The following PALD1 variants were observed in gnomAD, a reference collection of about 807,000 sequenced individuals.
The protein encoded by PALD1 is phosphatase domain containing paladin 1, also known as paladin.
Under a neutral mutation model 96.0 loss-of-function variants are expected in PALD1, and 57 were observed. That is an observed-to-expected ratio of 0.59 (90% CI 0.48 to 0.74). The LOEUF is 0.74. PALD1 is among the 30% of genes least tolerant of loss of function. The pLI is 0.00. For synonymous variants in PALD1, 464 were observed against 473.6 expected (o/e 0.98, Z 0.26); for missense variants, 1,063 against 1,143.7 (o/e 0.93, Z 1.02).
chr10:70,545,980 T>C (rs2132410474), intron 17 of PALD1, among the ~76,000 whole-genome samples: 1 of 152,030 alleles, frequency 6.6e-6, no homozygotes, highest in South Asian at 2.1e-4. Flanking sequence ...CTCATGCCTG[T>C]AATCCCAGCA....
intron 18 of PALD1, among the ~76,000 whole-genome samples, chr10:70,552,216 G>T (rs1417008499): frequency 1.3e-5 from 2 of 152,224 alleles, no homozygotes; most frequent in Non-Finnish European, 2.9e-5. Context: ...ATTTTGTCGT[G>T]TTTGCTGAGG....
intron 2 of PALD1, among the ~76,000 whole-genome samples, chr10:70,527,426 A>G (rs1223666514): frequency 6.6e-6 from 1 of 152,168 alleles, no homozygotes; most frequent in Non-Finnish European, 1.5e-5. Flanking sequence ...AGCAAACTAC[A>G]TCCTGCAGGC....
intron 1 of PALD1, among the ~76,000 whole-genome samples, chr10:70,510,905 A>G (rs2132317274): frequency 6.6e-6 from 1 of 152,132 alleles, no homozygotes; most frequent in African/African-American, 2.4e-5. Context: ...TGGTGCTCTA[A>G]CGGTGTGCAT....
At chr10:70,476,829 G>A (rs1021269189), upstream of PALD1, among the ~76,000 whole-genome samples, 1 of 152,140 alleles carries the variant, frequency 6.6e-6, no homozygotes, top group African/African-American at 2.4e-5. Flanking sequence ...GAGCTAGAGA[G>A]GCACACCGCC....
At chr10:70,472,476 G>A in the PALD1 span, among the ~76,000 whole-genome samples, 6 of 152,156 alleles carry the variant, frequency 3.9e-5, no homozygotes, top group East Asian at 9.6e-4. Context: ...GGCCGGGTTG[G>A]TCTCAAACTC....
upstream of PALD1, among the ~76,000 whole-genome samples, chr10:70,474,664 T>C (rs1482697901): frequency 6.6e-6 from 1 of 152,202 alleles, no homozygotes; most frequent in African/African-American, 2.4e-5. Flanking sequence ...TAAAATGTAT[T>C]TCTTACTTTG....
At chr10:70,474,518 G>A (rs7084263), upstream of PALD1, among the ~76,000 whole-genome samples, 10,221 of 152,256 alleles carry the variant, frequency 0.067, 388 homozygotes, top group South Asian at 0.18. Flanking sequence ...CCGAGATTGT[G>A]CCACCACCAC....
intron 1 of PALD1, among the ~76,000 whole-genome samples, chr10:70,482,912 C>G (rs1845958172): frequency 6.6e-6 from 1 of 152,178 alleles, no homozygotes; most frequent in African/African-American, 2.4e-5. Flanking sequence ...CGATGTTATT[C>G]TCTCAGCAGA....
At chr10:70,545,047 GCAGGTGCCAGGCACCACTC>G (rs368895555) in intron 17 of PALD1, among the ~76,000 whole-genome samples, 2,360 of 149,672 alleles carry the variant, frequency 0.016, 59 homozygotes, top group African/African-American at 0.056. Flanking sequence ...GGGGCACCGG[GCAGGTGCCAGGCACCACTC>G]CAGGTGCCGG....
At chr10:70,467,717 C>G in the PALD1 span, among the ~76,000 whole-genome samples, 8 of 152,212 alleles carry the variant, frequency 5.3e-5, no homozygotes, top group Non-Finnish European at 1.2e-4. Context: ...AGCAATGGAA[C>G]CTGCTCTAAG....
intron 17 of PALD1, among the ~76,000 whole-genome samples, chr10:70,543,817 C>T (rs1847304837): frequency 6.6e-6 from 1 of 152,186 alleles, no homozygotes; most frequent in Non-Finnish European, 1.5e-5. Flanking sequence ...CCTCTGTCCC[C>T]TTTCCCAGCT....
chr10:70,541,266 A>G, intron 16 of PALD1, 24 bp downstream of exon 16: 1 of 1,589,422 alleles, frequency 6.3e-7, no homozygotes, highest in Non-Finnish European at 8.6e-7. Context: ...CTCAAGTGAG[A>G]TTAGAGATTT....
At chr10:70,465,878 G>A in the PALD1 span, among the ~76,000 whole-genome samples, 2 of 152,182 alleles carry the variant, frequency 1.3e-5, no homozygotes, top group African/African-American at 4.8e-5. Flanking sequence ...TTTACCCCCT[G>A]AGGCCCCAGT....
intron 7 of PALD1, among the ~76,000 whole-genome samples, 166 bp downstream of exon 7, chr10:70,533,236 G>A (rs909969747): frequency 5.3e-5 from 8 of 152,124 alleles, no homozygotes. Context: ...CTCTGTATAT[G>A]TCTGTGTGTG....
At position 70,539,716 on chromosome 10, in the gene PALD1, C is replaced by T. The variant is rs763251055; in HGVS notation, c.1862C>T (p.Thr621Ile). ...CACCGCAGGGCCTGTCCTGGCCTCA[C>T]CTACCACCGCATCCCCATGCCGGAC... The part of the protein sequence containing the change: ...SQHRRACPGL[T>I]YHRIPMPDFC... Residue 621 changes from threonine (T) to isoleucine (I), a missense_variant, in exon 15 of 20, where the codon ACC becomes ATC. Coordinates refer to ENST00000263563, the MANE Select transcript of PALD1 (RefSeq NM_014431.3). The surrounding 1 kb of genome is among the most constrained non-coding windows in gnomAD (Gnocchi z 4.5). 2.5e-6 allele frequency: 4 copies of T among 1,613,234 alleles called. No homozygotes were observed. The highest frequency in any genetic ancestry group is 3.4e-6 in the Non-Finnish European group (4 of 1,179,668).
intron 1 of PALD1, among the ~76,000 whole-genome samples, chr10:70,490,348 A>G (rs1846079769): frequency 6.6e-6 from 1 of 152,102 alleles, no homozygotes; most frequent in African/African-American, 2.4e-5. Context: ...CAGTCTCCTG[A>G]GTAGCTAGGA....
chr10:70,541,190 G>A lies in PALD1; in HGVS notation c.1997G>A (p.Gly666Asp). The change falls in exon 16 of 20, where the codon GGC (glycine) becomes GAC (aspartate). Residue 666 changes from glycine to aspartate, a missense_variant. Transcript: ENST00000263563. ...GFVFSCLSGQGRTTTAMVVAV... is the reference protein window; with the variant it reads ...GFVFSCLSGQDRTTTAMVVAV... ...GTGTTCAGCTGCCTCAGCGGCCAGG[G>A]CCGTACCACAACTGCGATGGTGGTG... 4.3e-6 allele frequency: 7 copies of A among 1,614,016 alleles called. No individual in the cohort carries two copies. Among genetic ancestry groups the A allele is most frequent in the Non-Finnish European group, 5.1e-6 (6 of 1,179,922 alleles).
intron 1 of PALD1, among the ~76,000 whole-genome samples, chr10:70,484,229 C>T (rs182408443): frequency 1.3e-5 from 2 of 152,294 alleles, no homozygotes; most frequent in Admixed American, 1.3e-4. Context: ...TCTCAAACTC[C>T]TGATCTCAGG....
intron 1 of PALD1, among the ~76,000 whole-genome samples, chr10:70,509,493 G>A (rs563353554): frequency 6.6e-6 from 1 of 152,336 alleles, no homozygotes; most frequent in South Asian, 2.1e-4. Context: ...CCCCACAGAA[G>A]GAACATCAGA....
Sources: allele counts gnomAD v4.1 joint callset (sites outside exome capture counted in the v4.1 genomes callset), GRCh38; gene constraint gnomAD v4.1.1; non-coding constraint Gnocchi (gnomAD v3.1); transcripts MANE v1.5; gene names NCBI Gene and HGNC (gene_info 2026-07-23, HGNC 2026-07-21).